UGGT2: variants seen among roughly 807,000 people sequenced by gnomAD.
UGGT2 encodes the protein UDP-glucose:glycoprotein glucosyltransferase 2.
A neutral mutation model predicts 192.1 loss-of-function variants in UGGT2; 180 were observed. The observed-to-expected ratio is 0.94, with a 90% CI of 0.83 to 1.06. The LOEUF is 1.06. UGGT2 is among the 50% of genes least tolerant of loss of function. The pLI is 0.00. For synonymous variants in UGGT2, 580 were observed against 591.0 expected (o/e 0.98, Z 0.27); for missense variants, 1,849 against 1,795.7 (o/e 1.03, Z -0.54).
At chr13:95,856,098 TTAAGA>T (rs1201871037) in intron 34 of UGGT2, 55 bp downstream of exon 34, 100 of 1,332,044 alleles carry the variant, frequency 7.5e-5, no homozygotes, top group Non-Finnish European at 9.6e-5. Flanking sequence ...AATCTCTATA[TTAAGA>T]TAGAAGTGTA....
intron 38 of UGGT2, among the ~76,000 whole-genome samples, chr13:95,819,065 A>G (rs2139780311): frequency 6.6e-6 from 1 of 152,324 alleles, no homozygotes; most frequent in South Asian, 2.1e-4. Flanking sequence ...AAATAGGCTA[A>G]CATTCATACA....
intron 30 of UGGT2, among the ~76,000 whole-genome samples, chr13:95,864,438 T>C (rs1890454852): frequency 6.6e-6 from 1 of 152,194 alleles, no homozygotes; most frequent in Non-Finnish European, 1.5e-5. Flanking sequence ...CTACTAAAAC[T>C]CTATTTCCTC....
At chr13:95,927,463 T>C (rs1161331973) in intron 17 of UGGT2, 127 bp from the exon 18 acceptor site, 1 of 562,764 alleles carries the variant, frequency 1.8e-6, no homozygotes, top group Non-Finnish European at 2.7e-6. Flanking sequence ...TACAATACAT[T>C]TTCTTTCTTT....
intron 1 of UGGT2, among the ~76,000 whole-genome samples, chr13:96,045,207 C>T (rs1467001912): frequency 1.3e-5 from 2 of 151,946 alleles, no homozygotes; most frequent in African/African-American, 4.8e-5. Context: ...ATGTGATACA[C>T]CAGATAAACA....
intron 36 of UGGT2, 113 bp downstream of exon 36, chr13:95,853,430 A>T: frequency 1.5e-6 from 1 of 674,838 alleles, no homozygotes; most frequent in Non-Finnish European, 2.4e-6. Context: ...AATTACATAA[A>T]CAGCAGTAAA....
In UGGT2 at chr13:95,837,119, A is replaced by T; in HGVS notation, c.4368T>A (p.Asp1456Glu). The T allele has an allele frequency of 6.2e-7, 1 of 1,614,048 alleles. No homozygotes were observed. The highest frequency in any genetic ancestry group is 8.5e-7 in the Non-Finnish European group (1 of 1,179,916). The change falls in exon 37 of 39, where the codon GAT becomes GAA. Residue 1456 changes from aspartate to glutamate, a missense_variant. Transcript: ENST00000376747. ...TTGTTTTGGCTCTTTGTTTGGATTC[A>T]TCATCACACCAGGTTTCACACCACA... ...DWLWCETWCDDESKQRAKTID... is the reference protein window; with the variant it reads ...DWLWCETWCDEESKQRAKTID...
intron 12 of UGGT2, among the ~76,000 whole-genome samples, chr13:95,963,256 A>T (rs1594451154): frequency 1.3e-5 from 2 of 152,326 alleles, no homozygotes; most frequent in Admixed American, 1.3e-4. Flanking sequence ...CAACATACAC[A>T]AATCAATAAA....
chr13:95,925,934 C>CAT (rs1566705492), intron 19 of UGGT2, among the ~76,000 whole-genome samples, 160 bp from the exon 20 acceptor site: 3 of 151,784 alleles, frequency 2.0e-5, no homozygotes, highest in East Asian at 1.9e-4. Flanking sequence ...CATGCAAGTA[C>CAT]GTATATATAC....
intron 5 of UGGT2, among the ~76,000 whole-genome samples, chr13:96,010,966 T>C (rs746827751): frequency 3.3e-5 from 5 of 152,200 alleles, no homozygotes; most frequent in Non-Finnish European, 5.9e-5. Context: ...CCCATACAAA[T>C]ACAGTCAATT....
chr13:95,937,759 T>C (rs949943135), intron 16 of UGGT2, among the ~76,000 whole-genome samples: 10 of 152,098 alleles, frequency 6.6e-5, no homozygotes, highest in African/African-American at 1.2e-4. Flanking sequence ...AAAGGCTTAA[T>C]AAAAATTTGC....
intron 10 of UGGT2, among the ~76,000 whole-genome samples, chr13:95,979,183 A>C (rs1231168581): frequency 6.6e-6 from 1 of 152,174 alleles, no homozygotes; most frequent in Non-Finnish European, 1.5e-5. Context: ...TTGACAATTT[A>C]AAATCACCAA....
At chr13:96,010,156 A>G (rs1207063500) in intron 5 of UGGT2, among the ~76,000 whole-genome samples, 1 of 152,214 alleles carries the variant, frequency 6.6e-6, no homozygotes, top group African/African-American at 2.4e-5. Context: ...AGAAGAATAT[A>G]AATTGCTCTA....
intron 4 of UGGT2, among the ~76,000 whole-genome samples, chr13:96,016,265 G>T (rs1566827773): frequency 6.6e-6 from 1 of 152,176 alleles, no homozygotes; most frequent in Admixed American, 6.5e-5. Context: ...GAATCTAAGT[G>T]GGCTATTGGG....
At chr13:95,909,022 C>T (rs549407379) in intron 20 of UGGT2, among the ~76,000 whole-genome samples, 46 of 150,998 alleles carry the variant, frequency 3.0e-4, no homozygotes, top group African/African-American at 1.1e-3. Flanking sequence ...AGTCCTTGCC[C>T]ATGCCTATGT....
At chr13:95,925,219 G>C (rs185563019) in intron 20 of UGGT2, among the ~76,000 whole-genome samples, 40 of 152,128 alleles carry the variant, frequency 2.6e-4, no homozygotes, top group Middle Eastern at 6.8e-3. Context: ...TCAATAACAA[G>C]AAATTTAATG....
At position 95,900,908 on chromosome 13, in the gene UGGT2, AT is replaced by A; in HGVS notation, c.2532del (p.Lys844AsnfsTer7). 2 of 1,601,792 alleles carry A rather than the reference AT, an allele frequency of 1.2e-6. No homozygotes were observed. On this transcript the variant is annotated frameshift_variant, in exon 22 of 39. Transcript: ENST00000376747. LOFTEE classifies it high-confidence loss of function. ...AAAATATTCACTCCAACAGTATTAT[AT>A]TTTTTCTCAAAAGCATTCTTATCCA... ...EGMDKNAFEK[K>X]YNTVGVNIFR...
intron 15 of UGGT2, among the ~76,000 whole-genome samples, chr13:95,940,448 TC>T (rs1459812168): frequency 3.5e-4 from 52 of 148,478 alleles, no homozygotes; most frequent in African/African-American, 1.2e-3. Flanking sequence ...GTAATTTTTT[TC>T]TTTTTCTTTT....
chr13:96,013,032 C>A (rs2051878992), intron 5 of UGGT2, among the ~76,000 whole-genome samples: 1 of 151,914 alleles, frequency 6.6e-6, no homozygotes, highest in African/African-American at 2.4e-5. Context: ...ATTGCAAATT[C>A]TTAGCAAATA....
At chr13:95,894,685 A>G in intron 23 of UGGT2, 28 bp from the exon 24 acceptor site, 1 of 1,574,890 alleles carries the variant, frequency 6.3e-7, no homozygotes, top group Admixed American at 1.8e-5. Flanking sequence ...ACAGTGTATG[A>G]GTTTTTTGGA....
Sources: gnomAD v4.1 joint callset for allele counts (sites outside exome capture counted in the v4.1 genomes callset) on GRCh38, gnomAD v4.1.1 for gene constraint, MANE v1.5 for transcripts, NCBI Gene and HGNC (gene_info 2026-07-23, HGNC 2026-07-21) for gene names.